ZBTB24: variants seen among roughly 807,000 people sequenced by gnomAD.
The protein encoded by ZBTB24 is zinc finger and BTB domain containing 24, also known as zinc finger and BTB domain-containing protein 24.
A neutral mutation model predicts 53.8 loss-of-function variants in ZBTB24; 32 were observed. The observed-to-expected ratio is 0.60, with a 90% CI of 0.45 to 0.80. The LOEUF (loss-of-function observed/expected upper bound fraction) is 0.80, where lower values mean the gene tolerates loss of function less well. ZBTB24 is among the 30% of genes least tolerant of loss of function. The pLI is 0.00. For missense variants in ZBTB24, 722 were observed against 837.1 expected (o/e 0.86, Z 1.70); for synonymous variants, 297 against 306.7 (o/e 0.97, Z 0.33).
At chr6:109,466,824 TTA>T (rs1377232254) in intron 6 of ZBTB24, among the ~76,000 whole-genome samples, 14 of 152,150 alleles carry the variant, frequency 9.2e-5, no homozygotes, top group Non-Finnish European at 2.1e-4. Flanking sequence ...TGATAAAATT[TTA>T]TGATTCCACA....
At chr6:109,482,461 C>T (rs1318587696) in intron 1 of ZBTB24, among the ~76,000 whole-genome samples, 2 of 151,010 alleles carry the variant, frequency 1.3e-5, no homozygotes, top group Non-Finnish European at 3.0e-5. Flanking sequence ...ACGAGACCAC[C>T]ACCTCAAAAA....
At chr6:109,479,859 T>C (rs773454689) in intron 2 of ZBTB24, among the ~76,000 whole-genome samples, 9 of 124,334 alleles carry the variant, frequency 7.2e-5, no homozygotes, top group Non-Finnish European at 1.4e-4. Flanking sequence ...GAGGTTGCGG[T>C]GAGCCGAGAT....
rs916775744 is a variant in ZBTB24 at position 109,466,004 on chromosome 6, A to G, written c.1941T>C (p.His647=). The G allele has an allele frequency of 6.2e-7, 1 of 1,614,034 alleles. No individual in the cohort carries two copies. Reference sequence around the variant, plus strand: ...CTGTTTGCTCTTGATGGGCATGAAGATGTTCCAGTGTTTCCTTGGACAGAG... The same window carrying G: ...CTGTTTGCTCTTGATGGGCATGAAGGTGTTCCAGTGTTTCCTTGGACAGAG... ...VITLSKETLE[H]LHAHQEQTEE... is the part of the protein sequence containing the mutation. The change falls in exon 7 of 7, where the codon CAT becomes CAC. Residue 647 remains histidine (H), a synonymous_variant. Transcript: ENST00000230122.
At chr6:109,468,538 C>T (rs1303945851) in intron 5 of ZBTB24, among the ~76,000 whole-genome samples, 1 of 152,140 alleles carries the variant, frequency 6.6e-6, no homozygotes, top group East Asian at 1.9e-4. Context: ...GGCTCCATCA[C>T]CACCAAGAGC....
chr6:109,467,504 CAAACA>C (rs1479121585), intron 6 of ZBTB24, 144 bp downstream of exon 6: 1 of 1,531,280 alleles, frequency 6.5e-7, no homozygotes, highest in African/African-American at 1.4e-5. Context: ...TCAAAACAAA[CAAACA>C]AAACAAAGCC....
In ZBTB24 at chr6:109,464,315, G is replaced by T. The variant is rs1775980807; in HGVS notation, c.*1536C>A. The T allele has an allele frequency of 6.6e-6, 1 of 152,110 alleles. No individual in the cohort carries two copies. The highest frequency in any genetic ancestry group is 2.4e-5 in the African/African-American group (1 of 41,426). The allele number at this position is 152,110 out of a possible 1,614,324, so 9.4% of individuals were successfully genotyped here. On this transcript the variant is annotated 3_prime_UTR_variant, in exon 7 of 7. Coordinates refer to ENST00000230122, the MANE Select transcript of ZBTB24 (RefSeq NM_014797.3). ...GTTTTTATCTTCTCTCAAACCTGAAGAATTCTCTATTACTCTAACCTCCAA... is the reference window on the plus strand; with the variant it reads ...GTTTTTATCTTCTCTCAAACCTGAATAATTCTCTATTACTCTAACCTCCAA...
chr6:109,480,781 C>T (rs1304038790), intron 2 of ZBTB24, among the ~76,000 whole-genome samples: 6 of 152,206 alleles, frequency 3.9e-5, no homozygotes, highest in Non-Finnish European at 4.4e-5. Flanking sequence ...CTGTCACTAA[C>T]GGGTGACTCT....
chr6:109,466,367 G>A lies in ZBTB24; in HGVS notation c.1578C>T (p.Gly526=). The A allele has an allele frequency of 6.2e-7, 1 of 1,614,198 alleles. No homozygotes were observed. The highest frequency in any genetic ancestry group is 8.5e-7 in the Non-Finnish European group (1 of 1,180,038). Reference sequence around the variant, plus strand: ...TCCTGACCTCTTCTGTATTACTACTGCCAGAAATGCTGCTGGCATCTGAAG... The same window carrying A: ...TCCTGACCTCTTCTGTATTACTACTACCAGAAATGCTGCTGGCATCTGAAG... ...KHASDASSIS[G]SSNTEEVRNI... Residue 526 remains glycine, a synonymous_variant, in exon 7 of 7, where the codon GGC becomes GGT. Coordinates refer to ENST00000230122, the MANE Select transcript of ZBTB24 (RefSeq NM_014797.3).
chr6:109,475,723 G>A (rs2115361102), intron 4 of ZBTB24, among the ~76,000 whole-genome samples: 1 of 152,264 alleles, frequency 6.6e-6, no homozygotes, highest in African/African-American at 2.4e-5. Context: ...TTTCCTCAAA[G>A]TATTGGTGTG....
chr6:109,476,436 T>C (rs573625977), intron 3 of ZBTB24, among the ~76,000 whole-genome samples, 178 bp from the exon 4 acceptor site: 2 of 152,328 alleles, frequency 1.3e-5, no homozygotes, highest in South Asian at 4.1e-4. Context: ...TGCAAAGGTA[T>C]GTAAGGCAAT....
chr6:109,473,062 A>C (rs144651521), intron 5 of ZBTB24, among the ~76,000 whole-genome samples: 38 of 152,230 alleles, frequency 2.5e-4, no homozygotes, highest in Middle Eastern at 3.4e-3. Context: ...CATCTCAGTA[A>C]AGCCATCTCC....
chr6:109,475,572 T>G, intron 4 of ZBTB24, 90 bp from the exon 5 acceptor site: 1 of 1,482,308 alleles, frequency 6.7e-7, no homozygotes, highest in South Asian at 1.1e-5. Context: ...CCCTGAAAAA[T>G]AATCACTTTA....
At position 109,481,985 on chromosome 6, in the gene ZBTB24, TACA is replaced by T; in HGVS notation, c.39_41del (p.Val14del). 1.2e-6 allele frequency: 2 copies of T among 1,614,208 alleles called. No individual in the cohort carries two copies. The highest frequency in any genetic ancestry group is 1.7e-6 in the Non-Finnish European group (2 of 1,180,036). On this transcript the variant is annotated inframe_deletion, in exon 2 of 7. Transcript: ENST00000230122. ...CAGTGTCACTGTGAGCGTCTGAGTG[TACA>T]ACAAGCTGCCCAGAAGGCTCTGGCG...
chr6:109,468,310 C>T (rs1391199907), intron 5 of ZBTB24, among the ~76,000 whole-genome samples: 1 of 152,082 alleles, frequency 6.6e-6, no homozygotes, highest in Non-Finnish European at 1.5e-5. Flanking sequence ...AGCCTTGATG[C>T]AGTCAGGTCA....
chr6:109,481,032 C>A, intron 2 of ZBTB24, 43 bp downstream of exon 2: 1 of 1,606,444 alleles, frequency 6.2e-7, no homozygotes. Context: ...TCACTACTCC[C>A]AATTCTGCAA....
intron 5 of ZBTB24, among the ~76,000 whole-genome samples, chr6:109,472,423 T>C (rs1389868432): frequency 6.6e-6 from 1 of 152,172 alleles, no homozygotes; most frequent in Non-Finnish European, 1.5e-5. Context: ...GGAATTATAG[T>C]GGGGGAGGTC....
At chr6:109,478,645 G>C (rs1424004642) in intron 2 of ZBTB24, among the ~76,000 whole-genome samples, 1 of 152,100 alleles carries the variant, frequency 6.6e-6, no homozygotes, top group African/African-American at 2.4e-5. Flanking sequence ...AGGTTGTGGT[G>C]ATCGGAGATC....
rs1775973940 is a variant in ZBTB24 at position 109,464,048 on chromosome 6, T to C, written c.*1803A>G. 6.6e-6 allele frequency: 1 copy of C among 152,166 alleles called. No individual in the cohort carries two copies. The allele number at this position is 152,166 out of a possible 1,614,324, so 9.4% of individuals were successfully genotyped here. On this transcript the variant is annotated 3_prime_UTR_variant, in exon 7 of 7. Coordinates refer to ENST00000230122, the MANE Select transcript of ZBTB24 (RefSeq NM_014797.3). Reference sequence around the variant, plus strand: ...AATATTTAATTTCCTGGAGAAAATGTGGATTGGTGGGCTTTGAAAAGTTGG... The same window carrying C: ...AATATTTAATTTCCTGGAGAAAATGCGGATTGGTGGGCTTTGAAAAGTTGG...
intron 5 of ZBTB24, 91 bp from the exon 6 acceptor site, chr6:109,467,825 TC>T: frequency 1.4e-6 from 2 of 1,423,402 alleles, no homozygotes; most frequent in Non-Finnish European, 1.9e-6. Context: ...AAAAAACACT[TC>T]GGTTTCACAA....
Sources: gnomAD v4.1 joint callset for allele counts (sites outside exome capture counted in the v4.1 genomes callset) on GRCh38, gnomAD v4.1.1 for gene constraint, MANE v1.5 for transcripts, NCBI Gene and HGNC (gene_info 2026-07-23, HGNC 2026-07-21) for gene names.